Variants in SNX29 observed in about 807,000 individuals in gnomAD.
The protein encoded by SNX29 is sorting nexin 29.
SNX29 carries 78 observed loss-of-function variants against 102.1 expected under a neutral mutation model. The ratio of observed to expected loss-of-function variants is 0.76; its 90% CI spans 0.64 to 0.92. The LOEUF is 0.92. SNX29 is among the 40% of genes least tolerant of loss of function. SNX29 has a pLI of 0.00. For missense variants in SNX29, 1,280 were observed against 1,061.7 expected (o/e 1.21, Z -2.86); for synonymous variants, 580 against 414.5 (o/e 1.40, Z -4.85).
chr16:12,460,576 C>T (rs1174991073), intron 18 of SNX29, among the ~76,000 whole-genome samples: 2 of 152,114 alleles, frequency 1.3e-5, no homozygotes, highest in Non-Finnish European at 2.9e-5. Flanking sequence ...TTCTGGCCTC[C>T]TGTGCATCCC....
At chr16:12,031,472 C>T (rs966576439) in intron 4 of SNX29, among the ~76,000 whole-genome samples, 5 of 151,868 alleles carry the variant, frequency 3.3e-5, no homozygotes, top group Admixed American at 1.3e-4. Flanking sequence ...TTCCCCAGCT[C>T]TCACCCAAGC....
chr16:12,322,618 A>C (rs901670686), intron 15 of SNX29, among the ~76,000 whole-genome samples: 1 of 152,148 alleles, frequency 6.6e-6, no homozygotes, highest in Non-Finnish European at 1.5e-5. Context: ...TAACTTGGGG[A>C]TCATCTCAAG....
Position 12,398,509 on chromosome 16 carries a change from C to A in SNX29, c.1955+8C>A. The stretch of plus-strand genomic sequence containing the variant: ...TTTGTCGGATTTTGAAATGTAAGTC[C>A]ACAGCCTGTGCTCACAAGGGGTCCT... On this transcript the variant is annotated splice_region_variant and intron_variant, in intron 17 of 20. Transcript: ENST00000566228. 4.3e-6 allele frequency: 7 copies of A among 1,613,906 alleles called. No individual in the cohort carries two copies. Among genetic ancestry groups the A allele is most frequent in the Non-Finnish European group, 5.9e-6 (7 of 1,179,848 alleles).
At chr16:12,437,374 C>A (rs192884290) in intron 18 of SNX29, among the ~76,000 whole-genome samples, 62 of 152,244 alleles carry the variant, frequency 4.1e-4, no homozygotes, top group Non-Finnish European at 8.1e-4. Context: ...ACCGCATTCC[C>A]TGTCTCATAG....
intron 14 of SNX29, among the ~76,000 whole-genome samples, chr16:12,261,024 C>G (rs1199148808): frequency 1.4e-5 from 2 of 146,070 alleles, no homozygotes; most frequent in African/African-American, 2.6e-5. Context: ...GTGCACGTGT[C>G]CCCGGCTGGA....
At chr16:12,280,720 C>A (rs1398768656) in intron 15 of SNX29, among the ~76,000 whole-genome samples, 1 of 152,156 alleles carries the variant, frequency 6.6e-6, no homozygotes, top group African/African-American at 2.4e-5. Context: ...TTTCACTACA[C>A]CAATACTTTT....
At chr16:11,996,616 C>G (rs2056083695) in intron 1 of SNX29, among the ~76,000 whole-genome samples, 1 of 152,144 alleles carries the variant, frequency 6.6e-6, no homozygotes, top group African/African-American at 2.4e-5. Flanking sequence ...GGAACCCTGT[C>G]AAGTTTCCAG....
chr16:12,384,557 T>C (rs2083283540), intron 16 of SNX29, among the ~76,000 whole-genome samples: 1 of 152,232 alleles, frequency 6.6e-6, no homozygotes, highest in African/African-American at 2.4e-5. Flanking sequence ...TGGTTTTTAA[T>C]TGGATTATTA....
At chr16:12,365,153 T>C (rs1401264708) in intron 16 of SNX29, among the ~76,000 whole-genome samples, 1 of 152,138 alleles carries the variant, frequency 6.6e-6, no homozygotes, top group Non-Finnish European at 1.5e-5. Context: ...CTTTATTTTA[T>C]GTTTTCCAAT....
intron 3 of SNX29, among the ~76,000 whole-genome samples, chr16:12,009,943 A>G (rs1288989028): frequency 1.3e-5 from 2 of 152,364 alleles, no homozygotes; most frequent in South Asian, 4.1e-4. Context: ...TTTCCCTTCA[A>G]ATTATGAACA....
In SNX29 at chr16:12,569,880, T is replaced by G. The variant is rs1287800763; in HGVS notation, c.*1251T>G. The G allele has an allele frequency of 2.2e-5, 5 of 231,446 alleles. No homozygotes were observed. The highest frequency in any genetic ancestry group is 1.1e-4 in the Admixed American group (2 of 17,702). 14.3% of individuals were successfully genotyped at this position (231,446 alleles called of 1,614,324 possible). ...TGAAATGGACTATGCAAGAGTAAGT[T>G]TGTGTGTTTCGCCTTAATCTGAGGC... On this transcript the variant is annotated 3_prime_UTR_variant, in exon 21 of 21. Transcript: ENST00000566228.
chr16:12,177,153 T>A (rs2076278846), intron 13 of SNX29, among the ~76,000 whole-genome samples: 2 of 152,100 alleles, frequency 1.3e-5, no homozygotes, highest in Non-Finnish European at 2.9e-5. Flanking sequence ...TCCTTGTGTT[T>A]TCTGGGCTGG....
chr16:12,406,321 G>A (rs955178940), intron 18 of SNX29, among the ~76,000 whole-genome samples: 4 of 152,190 alleles, frequency 2.6e-5, no homozygotes, highest in Admixed American at 6.5e-5. Flanking sequence ...AAGAAAATAT[G>A]TTAATTCTTT....
chr16:12,313,215 T>C (rs11075060), intron 15 of SNX29, among the ~76,000 whole-genome samples: 3,063 of 152,192 alleles, frequency 0.02, 127 homozygotes, highest in African/African-American at 0.07. Flanking sequence ...GGTTTCACCA[T>C]GTTGGCCAGG....
chr16:12,275,598 G>T (rs1037610495), intron 14 of SNX29, among the ~76,000 whole-genome samples: 1 of 151,944 alleles, frequency 6.6e-6, no homozygotes, highest in South Asian at 2.1e-4. Flanking sequence ...GTCTGTTTAG[G>T]AATGAAATTT....
In SNX29 at chr16:11,997,403, C is replaced by G. The variant is rs78973267; in HGVS notation, c.8-1894C>G. The stretch of plus-strand genomic sequence containing the variant: ...CTAAAGCAGCCTTCTTGCTTCCTCC[C>G]TATCCCATCACTGTGTTTGTTTTGT... On this transcript the variant is annotated intron_variant, in intron 1 of 20. Coordinates refer to ENST00000566228, the MANE Select transcript of SNX29 (RefSeq NM_032167.5). Among the ~76,000 whole-genome samples the G allele has an allele frequency of 4.6e-3, 698 of 152,288 alleles. 6 individuals carry two copies. Among genetic ancestry groups the G allele is most frequent in the African/African-American group, 0.016 (656 of 41,568 alleles).
chr16:12,356,115 T>TG (rs2082127247), intron 15 of SNX29, 48 bp from the exon 16 acceptor site: 1 of 1,558,980 alleles, frequency 6.4e-7, no homozygotes, highest in Admixed American at 1.8e-5. Flanking sequence ...GATTGGTCCC[T>TG]GGGGAATGTC....
At chr16:12,100,553 C>A (rs978454997) in intron 11 of SNX29, among the ~76,000 whole-genome samples, 3 of 152,104 alleles carry the variant, frequency 2.0e-5, no homozygotes, top group Non-Finnish European at 2.9e-5. Context: ...CCAGATCGGG[C>A]TGTCTGCAGA....
Position 12,562,658 on chromosome 16 carries a change from C to T in SNX29, c.2319-5848C>T, listed in dbSNP as rs117390592. Among the ~76,000 whole-genome samples, 616 of 152,254 alleles carry T rather than the reference C, an allele frequency of 4.0e-3. 12 individuals are homozygous for T. Among genetic ancestry groups the T allele is most frequent in the Admixed American group, 0.03 (463 of 15,290 alleles). Reference sequence around the variant, plus strand: ...TCTTCCCTGAGGGGCTGTTTTATGTCGGGAAAGTCTAGATTTACAGGCACT... The same window carrying T: ...TCTTCCCTGAGGGGCTGTTTTATGTTGGGAAAGTCTAGATTTACAGGCACT... On this transcript the variant is annotated intron_variant, in intron 20 of 20. Coordinates refer to ENST00000566228, the MANE Select transcript of SNX29 (RefSeq NM_032167.5).
Sources: gnomAD v4.1 joint callset for allele counts (sites outside exome capture counted in the v4.1 genomes callset) on GRCh38, gnomAD v4.1.1 for gene constraint, MANE v1.5 for transcripts, NCBI Gene and HGNC (gene_info 2026-07-23, HGNC 2026-07-21) for gene names.